The following ANO4 variants were observed in gnomAD, a reference collection of about 807,000 sequenced individuals.
ANO4 encodes the protein anoctamin-4.
In ANO4, 69 loss-of-function variants were observed where a neutral mutation model predicts 141.9. The observed-to-expected ratio is 0.49, with a 90% CI of 0.40 to 0.59. The LOEUF (loss-of-function observed/expected upper bound fraction) is 0.59, where lower values mean the gene tolerates loss of function less well. ANO4 is among the 20% of genes least tolerant of loss of function. The probability of loss-of-function intolerance (pLI) is 0.00; values close to 1 mark genes in which losing one functional copy is unlikely to be tolerated. For missense variants in ANO4, 894 were observed against 1,162.2 expected (o/e 0.77, Z 3.36); for synonymous variants, 350 against 394.3 (o/e 0.89, Z 1.33).
Position 100,899,174 on chromosome 12 carries a change from C to T in ANO4, c.-140-2472C>T, listed in dbSNP as rs138435135. 2.3e-3 allele frequency among the ~76,000 whole-genome samples: 354 copies of T among 152,312 alleles called. 1 individual carries two copies. Among genetic ancestry groups the T allele is most frequent in the Middle Eastern group, 6.8e-3 (2 of 294 alleles). The stretch of plus-strand genomic sequence containing the variant: ...GCCTATCTCCTACGGGGCCACCCAG[C>T]CTGACAGTCCTAACCTGGGTGAATC... On this transcript the variant is annotated intron_variant, in intron 1 of 27. Coordinates refer to ENST00000392977, the MANE Select transcript of ANO4 (RefSeq NM_001286615.2).
intron 22 of ANO4, among the ~76,000 whole-genome samples, chr12:101,101,978 G>A (rs1158392789): frequency 6.6e-6 from 1 of 152,106 alleles, no homozygotes; most frequent in Non-Finnish European, 1.5e-5. Context: ...CAGCTACTTG[G>A]GAAGCTGAGG....
At position 101,042,583 on chromosome 12, in the gene ANO4, C is replaced by T. The variant is rs537443431; in HGVS notation, c.1154+115C>T. On this transcript the variant is annotated intron_variant, in intron 12 of 27. Transcript: ENST00000392977. ...TTTAGCTTTTCACTCAAACTTCCTA[C>T]CCTCTCATGGAAAAACTCAAAGTTT... 3 of 1,395,884 alleles carry T rather than the reference C, an allele frequency of 2.1e-6. No homozygotes were observed. The Admixed American group carries it at 6.1e-5, about 28-fold the overall frequency. The allele number at this position is 1,395,884 out of a possible 1,614,324, so 86.5% of individuals were successfully genotyped here. A position where few individuals can be genotyped will look rare whatever the true frequency, so the allele number is the denominator to read the frequency against.
At chr12:100,909,031 A>G (rs1342252872) in intron 2 of ANO4, among the ~76,000 whole-genome samples, 1 of 152,224 alleles carries the variant, frequency 6.6e-6, no homozygotes, top group Non-Finnish European at 1.5e-5. Flanking sequence ...GTCATGTCCA[A>G]GAGAGACAAT....
At chr12:101,041,616 A>AC (rs1162596335) in intron 11 of ANO4, among the ~76,000 whole-genome samples, 6 of 152,216 alleles carry the variant, frequency 3.9e-5, no homozygotes. Context: ...AGCCAAACAG[A>AC]CGCCAAATGG....
chr12:101,056,405 A>G (rs1157190077), intron 14 of ANO4, among the ~76,000 whole-genome samples: 1 of 152,178 alleles, frequency 6.6e-6, no homozygotes, highest in Non-Finnish European at 1.5e-5. Context: ...ATTCATTGCT[A>G]CTACATAGAA....
chr12:100,857,269 G>A (rs2038224058), intron 1 of ANO4, among the ~76,000 whole-genome samples: 1 of 152,114 alleles, frequency 6.6e-6, no homozygotes, highest in Non-Finnish European at 1.5e-5. Flanking sequence ...ACCTTCTTAA[G>A]TGGACAATCT....
intron 1 of ANO4, among the ~76,000 whole-genome samples, chr12:100,879,478 G>T (rs2039465949): frequency 6.6e-6 from 1 of 152,140 alleles, no homozygotes; most frequent in Non-Finnish European, 1.5e-5. Context: ...CCTCAGGGTT[G>T]AGAGCAGATC....
At chr12:100,751,217 C>T (rs868282356) in intron 3 of ANO4, among the ~76,000 whole-genome samples, 1 of 152,218 alleles carries the variant, frequency 6.6e-6, no homozygotes, top group Middle Eastern at 3.4e-3. Context: ...CCATGGGGCC[C>T]ACAGCATCCA....
At chr12:100,881,405 T>A (rs2039561909) in intron 1 of ANO4, among the ~76,000 whole-genome samples, 1 of 144,914 alleles carries the variant, frequency 6.9e-6, no homozygotes, top group African/African-American at 2.5e-5. Context: ...ATTAACATTA[T>A]AATAAAACTG....
At chr12:101,088,968 A>G (rs1199298479) in intron 17 of ANO4, among the ~76,000 whole-genome samples, 1 of 152,178 alleles carries the variant, frequency 6.6e-6, no homozygotes. Context: ...TGCCAAGGAC[A>G]GTTGTTAGGC....
At chr12:100,905,939 T>G (rs1456971857) in intron 2 of ANO4, among the ~76,000 whole-genome samples, 1 of 152,108 alleles carries the variant, frequency 6.6e-6, no homozygotes, top group African/African-American at 2.4e-5. Flanking sequence ...GTTGTCAGCT[T>G]TATCTTTAAT....
At chr12:101,002,000 G>A (rs1251950046) in intron 8 of ANO4, among the ~76,000 whole-genome samples, 1 of 152,094 alleles carries the variant, frequency 6.6e-6, no homozygotes, top group Non-Finnish European at 1.5e-5. Flanking sequence ...TTTCACCACT[G>A]TGTGTTGACC....
chr12:101,048,675 A>G (rs922280587), intron 14 of ANO4, among the ~76,000 whole-genome samples: 2 of 152,204 alleles, frequency 1.3e-5, no homozygotes, highest in African/African-American at 4.8e-5. Flanking sequence ...AATAAAGCTT[A>G]TGGTACAACT....
intron 1 of ANO4, among the ~76,000 whole-genome samples, chr12:100,799,774 A>G (rs1371703685): frequency 6.6e-6 from 1 of 152,132 alleles, no homozygotes; most frequent in Non-Finnish European, 1.5e-5. Context: ...AGAGCAATTT[A>G]CCTAATCCTC....
chr12:100,776,854 G>T (rs998642476), intron 3 of ANO4, among the ~76,000 whole-genome samples: 4 of 152,152 alleles, frequency 2.6e-5, no homozygotes, highest in African/African-American at 9.7e-5. Context: ...ACTGGCTGGG[G>T]ATGAGAGGAT....
intron 9 of ANO4, among the ~76,000 whole-genome samples, chr12:101,034,228 G>A (rs185852197): frequency 6.3e-4 from 96 of 152,240 alleles, no homozygotes; most frequent in African/African-American, 2.3e-3. Context: ...GCAAAGTTGT[G>A]GAACCTACTC....
At chr12:101,055,236 CCTAA>C (rs2048065235) in intron 14 of ANO4, among the ~76,000 whole-genome samples, 1 of 152,100 alleles carries the variant, frequency 6.6e-6, no homozygotes, top group South Asian at 2.1e-4. Context: ...TAAGTGAATG[CCTAA>C]CTTAGTAAGA....
chr12:101,104,346 C>T (rs1456298239), intron 22 of ANO4, among the ~76,000 whole-genome samples: 1 of 151,248 alleles, frequency 6.6e-6, no homozygotes, highest in Non-Finnish European at 1.5e-5. Context: ...TATAGGCATT[C>T]AGAGCTATAA....
At position 101,112,056 on chromosome 12, in the gene ANO4, C is replaced by T. The variant is rs11110662; in HGVS notation, c.2450+346C>T. Among the ~76,000 whole-genome samples the T allele has an allele frequency of 1.1e-3, 171 of 152,198 alleles. 3 individuals carry two copies. The East Asian group carries it at 0.025, about 22-fold the overall frequency. ...GCTAATGTGTATACCAAAACAGTAG[C>T]ATATGATGTATATATAGTTATATCA... On this transcript the variant is annotated intron_variant, in intron 24 of 27. Transcript: ENST00000392977.
Sources: allele counts gnomAD v4.1 joint callset (sites outside exome capture counted in the v4.1 genomes callset), GRCh38; gene constraint gnomAD v4.1.1; transcripts MANE v1.5; gene names NCBI Gene and HGNC (gene_info 2026-07-23, HGNC 2026-07-21).